Variants in DSE observed in about 807,000 individuals in gnomAD.
DSE encodes the protein dermatan-sulfate epimerase.
In DSE, 36 loss-of-function variants were observed where a neutral mutation model predicts 84.4. The ratio of observed to expected loss-of-function variants is 0.43; its 90% CI spans 0.33 to 0.56. DSE has a LOEUF of 0.56. DSE is among the 20% of genes least tolerant of loss of function. The pLI, the probability that DSE is intolerant of heterozygous loss-of-function variation, is 0.06. For synonymous variants in DSE, 410 were observed against 430.1 expected (o/e 0.95, Z 0.58); for missense variants, 862 against 1,169.6 (o/e 0.74, Z 3.84).
intron 2 of DSE, among the ~76,000 whole-genome samples, chr6:116,312,822 G>T: frequency 6.6e-6 from 1 of 151,932 alleles, no homozygotes. Context: ...CCCTGGGAAT[G>T]CAGTAGGAGA....
At chr6:116,325,946 G>C (rs1366796037) in intron 2 of DSE, among the ~76,000 whole-genome samples, 3 of 152,092 alleles carry the variant, frequency 2.0e-5, no homozygotes, top group Non-Finnish European at 4.4e-5. Flanking sequence ...GAGCAAGCAG[G>C]GGGTATGTGA....
At chr6:116,279,815 C>A in intron 2 of DSE, 2 of 1,613,058 alleles carry the variant, frequency 1.2e-6, no homozygotes, top group Non-Finnish European at 1.7e-6. Context: ...CTCTTGACCC[C>A]ATCCAGGCCG....
At chr6:116,293,426 C>T (rs551170428) in intron 2 of DSE, among the ~76,000 whole-genome samples, 3 of 152,196 alleles carry the variant, frequency 2.0e-5, no homozygotes, top group East Asian at 3.9e-4. Flanking sequence ...TGTGCTCCAC[C>T]ATGCCCAGCT....
chr6:116,443,102 T>C lies in DSE; in HGVS notation c.*5757T>C, dbSNP rs1784478683. ...GCTTCAGTGTAGAGAGTGGACCCAATGGGGAAGAGGTTAGGAGACCATTTC... is the reference window on the plus strand; with the variant it reads ...GCTTCAGTGTAGAGAGTGGACCCAACGGGGAAGAGGTTAGGAGACCATTTC... On this transcript the variant is annotated 3_prime_UTR_variant, in exon 6 of 6. Transcript: ENST00000644252. 2 of 152,168 alleles carry C rather than the reference T, an allele frequency of 1.3e-5. No homozygotes were observed. The highest frequency in any genetic ancestry group is 4.1e-4 in the South Asian group (2 of 4,824). 9.4% of individuals were successfully genotyped at this position (152,168 alleles called of 1,614,324 possible).
rs5879374 is a variant in DSE, at chr6:116,316,826, CTATTAT to C, written c.-54+57880_-54+57885del. 1.0e-4 allele frequency among the ~76,000 whole-genome samples: 15 copies of C among 145,848 alleles called. No homozygotes were observed. In the South Asian group the frequency reaches 1.3e-3, roughly 13 times the overall value. ...TCTTCTTCTACTACTACTACTACTA[CTATTAT>C]TATTATTATTATTATTATTACTGCT... On this transcript the variant is annotated intron_variant, in intron 2 of 3. Coordinates refer to the DSE transcript ENST00000430252.
At chr6:116,352,856 C>T (rs1778381561) in intron 2 of DSE, among the ~76,000 whole-genome samples, 1 of 152,198 alleles carries the variant, frequency 6.6e-6, no homozygotes, top group Non-Finnish European at 1.5e-5. Flanking sequence ...GCCCACCCCA[C>T]GTACATGCCC....
chr6:116,434,169 A>C (rs575373456), intron 5 of DSE, among the ~76,000 whole-genome samples: 42 of 152,324 alleles, frequency 2.8e-4, no homozygotes, highest in African/African-American at 9.4e-4. Flanking sequence ...TTAATCTTTT[A>C]AGCCCAGAAA....
chr6:116,421,579 A>G (rs1268077473), intron 2 of DSE, among the ~76,000 whole-genome samples: 1 of 146,546 alleles, frequency 6.8e-6, no homozygotes, highest in East Asian at 2.0e-4. Context: ...GGCTCCAGCA[A>G]TCTTGCTGCC....
chr6:116,332,007 A>T (rs971746327), intron 2 of DSE, among the ~76,000 whole-genome samples: 8 of 152,098 alleles, frequency 5.3e-5, no homozygotes, highest in South Asian at 2.1e-4. Context: ...TATATATATA[A>T]AAAAACTCAA....
intron 1 of DSE, among the ~76,000 whole-genome samples, chr6:116,380,937 C>T (rs780392047): frequency 6.6e-6 from 1 of 152,184 alleles, no homozygotes; most frequent in Non-Finnish European, 1.5e-5. Flanking sequence ...CTCAGTGCAT[C>T]CTTCCTTCTT....
intron 1 of DSE, among the ~76,000 whole-genome samples, chr6:116,371,561 A>G (rs1407790334): frequency 6.6e-6 from 1 of 152,068 alleles, no homozygotes; most frequent in East Asian, 1.9e-4. Context: ...TACCCCAGCC[A>G]TTTGGGGGCA....
intron 2 of DSE, among the ~76,000 whole-genome samples, chr6:116,413,921 C>T (rs915166805): frequency 6.6e-6 from 1 of 152,142 alleles, no homozygotes; most frequent in Non-Finnish European, 1.5e-5. Flanking sequence ...TATTTTGAAA[C>T]TTCATTCCTC....
At chr6:116,355,964 A>G (rs1265482174) in intron 2 of DSE, 1 of 152,282 alleles carries the variant, frequency 6.6e-6, no homozygotes, top group East Asian at 1.9e-4. Context: ...TAGACAAAAC[A>G]TAGTTCGCCC....
In DSE at chr6:116,261,362, T is replaced by G. The variant is rs147491860; in HGVS notation, c.-54+2395T>G. On this transcript the variant is annotated intron_variant, in intron 2 of 3. Transcript: ENST00000430252. ...CCTGCCTCAGCCTCCCGAGGTACTT[T>G]ATTTTTTTGTGTGGCTATTGTGAAT... Among the ~76,000 whole-genome samples, 1,068 of 152,206 alleles carry G rather than the reference T, an allele frequency of 7.0e-3. 21 individuals are homozygous for G. Among genetic ancestry groups the G allele is most frequent in the South Asian group, 0.049 (236 of 4,810 alleles).
At chr6:116,414,922 C>G (rs934634110) in intron 2 of DSE, among the ~76,000 whole-genome samples, 5 of 152,178 alleles carry the variant, frequency 3.3e-5, no homozygotes, top group African/African-American at 1.2e-4. Context: ...ACAAGACATT[C>G]TTAATAAGAC....
In DSE at chr6:116,437,534, T is replaced by C. The variant is rs1423325754; in HGVS notation, c.*189T>C. On this transcript the variant is annotated 3_prime_UTR_variant, in exon 6 of 6. Coordinates refer to ENST00000644252, the MANE Select transcript of DSE (RefSeq NM_013352.4). ...GCAGGAAAAGAAATTATCAAAGCAA[T>C]AGAAATAGCTTGGTGGTCCTATGGT... 1.7e-6 allele frequency: 1 copy of C among 578,774 alleles called. No individual in the cohort carries two copies. The highest frequency in any genetic ancestry group is 1.9e-5 in the African/African-American group (1 of 52,354). The allele number at this position is 578,774 out of a possible 1,614,324, so 35.9% of individuals were successfully genotyped here.
At chr6:116,433,110 A>G (rs1783945973) in intron 4 of DSE, 1 of 529,780 alleles carries the variant, frequency 1.9e-6, no homozygotes, top group Non-Finnish European at 3.4e-6. Context: ...GTTACCAAGG[A>G]CAGGTTACCA....
chr6:116,412,260 GT>G (rs1392763265), intron 2 of DSE, among the ~76,000 whole-genome samples: 34 of 146,372 alleles, frequency 2.3e-4, no homozygotes, highest in Middle Eastern at 3.5e-3. Flanking sequence ...TGTTTTTCTT[GT>G]TTTTTTTTTT....
At chr6:116,331,189 C>A (rs1776912671) in intron 2 of DSE, among the ~76,000 whole-genome samples, 1 of 152,124 alleles carries the variant, frequency 6.6e-6, no homozygotes, top group African/African-American at 2.4e-5. Context: ...TGAAAACTTT[C>A]TTTCTGTGAT....
Sources: gnomAD v4.1 joint callset for allele counts (sites outside exome capture counted in the v4.1 genomes callset) on GRCh38, gnomAD v4.1.1 for gene constraint, MANE v1.5 for transcripts, NCBI Gene and HGNC (gene_info 2026-07-23, HGNC 2026-07-21) for gene names.